WDFY4: variants seen among roughly 807,000 people sequenced by gnomAD.
WDFY4 encodes WDFY family member 4.
Under a neutral mutation model 351.9 loss-of-function variants are expected in WDFY4, and 169 were observed. The observed-to-expected ratio is 0.48, with a 90% CI of 0.42 to 0.55. WDFY4 has a LOEUF of 0.55. Among genes scored for constraint, WDFY4 ranks in the 20% least tolerant of loss-of-function variants. The pLI is 0.00. For missense variants in WDFY4, 3,803 were observed against 3,935.6 expected, an observed-to-expected ratio of 0.97 and a Z score of 0.90; for synonymous variants, 1,622 against 1,574.6, an observed-to-expected ratio of 1.03 and a Z score of -0.71.
intron 38 of WDFY4, 21 bp downstream of exon 38, chr10:48,830,906 A>G: frequency 6.5e-7 from 1 of 1,543,168 alleles, no homozygotes; most frequent in African/African-American, 1.4e-5. Context: ...ACTCGGCTCC[A>G]GGGAATGGGA....
chr10:48,830,026 G>A (rs2068135547), intron 37 of WDFY4, among the ~76,000 whole-genome samples: 1 of 152,218 alleles, frequency 6.6e-6, no homozygotes, highest in Non-Finnish European at 1.5e-5. Flanking sequence ...CCCTTAGGGT[G>A]AGAGAAACAG....
intron 1 of WDFY4, among the ~76,000 whole-genome samples, chr10:48,694,062 T>C (rs2063266926): frequency 6.6e-6 from 1 of 152,234 alleles, no homozygotes; most frequent in Admixed American, 6.5e-5. Flanking sequence ...TCTGATCAAA[T>C]TATTCTTGAA....
chr10:48,709,036 G>A lies in WDFY4; in HGVS notation c.-17-680G>A, dbSNP rs185482728. Among the ~76,000 whole-genome samples, 230 of 149,776 alleles carry A rather than the reference G, an allele frequency of 1.5e-3. 1 individual carries two copies. Among genetic ancestry groups the A allele is most frequent in the African/African-American group, 5.6e-3 (223 of 40,028 alleles). ...CCCCCCCCCAAACAGGCTTTAGTGT[G>A]AAAGTTTGCATTTCAACTTGACGTC... On this transcript the variant is annotated intron_variant, in intron 1 of 61. Coordinates refer to ENST00000325239, the MANE Select transcript of WDFY4 (RefSeq NM_001394531.1).
intron 35 of WDFY4, among the ~76,000 whole-genome samples, chr10:48,825,751 GTCTTCT>G (rs2067971995): frequency 6.6e-6 from 1 of 151,964 alleles, no homozygotes; most frequent in Admixed American, 6.5e-5. Flanking sequence ...CCACCTGAAT[GTCTTCT>G]TTGGAGAAAT....
intron 13 of WDFY4, among the ~76,000 whole-genome samples, chr10:48,773,421 G>A (rs1345222852): frequency 6.6e-6 from 1 of 152,158 alleles, no homozygotes. Flanking sequence ...TTTTGTAAAG[G>A]AACATCCCAC....
intron 47 of WDFY4, among the ~76,000 whole-genome samples, chr10:48,919,062 A>G (rs531259412): frequency 7.2e-5 from 11 of 152,316 alleles, no homozygotes; most frequent in African/African-American, 2.6e-4. Flanking sequence ...AACACAGACT[A>G]TATTTTGGGT....
chr10:48,804,893 GC>G, intron 25 of WDFY4: 1 of 549,212 alleles, frequency 1.8e-6, no homozygotes, highest in Non-Finnish European at 2.3e-6. Context: ...CTAGTGAAGG[GC>G]CCTGCACTCC....
chr10:48,821,183 G>A lies in WDFY4; in HGVS notation c.5824+7G>A. ...GATGCAGCGATGTTCAGAGGTGAGT[G>A]GGGCAACTCGGTCCCCTCCATTCAT... On this transcript the variant is annotated splice_region_variant and intron_variant, in intron 34 of 61. Transcript: ENST00000325239. 2 of 1,544,804 alleles carry A rather than the reference G, an allele frequency of 1.3e-6. No homozygotes were observed. The highest frequency in any genetic ancestry group is 8.8e-7 in the Non-Finnish European group (1 of 1,140,860).
intron 13 of WDFY4, among the ~76,000 whole-genome samples, chr10:48,767,306 G>T (rs1871605): frequency 3.2e-4 from 49 of 152,344 alleles, no homozygotes; most frequent in African/African-American, 8.9e-4. Flanking sequence ...CCTGTGTATG[G>T]GTACATCAGA....
chr10:48,755,875 A>G (rs921412866), intron 12 of WDFY4, among the ~76,000 whole-genome samples: 6 of 152,190 alleles, frequency 3.9e-5, no homozygotes, highest in African/African-American at 1.2e-4. Context: ...ATATATAGGT[A>G]GGTATTGTTT....
intron 53 of WDFY4, among the ~76,000 whole-genome samples, chr10:48,961,628 A>T (rs950047241): frequency 6.6e-6 from 1 of 152,146 alleles, no homozygotes; most frequent in Non-Finnish European, 1.5e-5. Context: ...ATTTTTGGAG[A>T]TGTGGAGCTT....
chr10:48,950,395 C>G (rs1459720610), intron 51 of WDFY4, among the ~76,000 whole-genome samples: 1 of 152,304 alleles, frequency 6.6e-6, no homozygotes, highest in East Asian at 1.9e-4. Context: ...GAGTCTGCGC[C>G]CCTGTATTTG....
chr10:48,796,711 G>T (rs2066887821), intron 24 of WDFY4, among the ~76,000 whole-genome samples: 1 of 152,190 alleles, frequency 6.6e-6, no homozygotes. Flanking sequence ...TCATCTCCTT[G>T]CAGGCTGTCA....
intron 1 of WDFY4, among the ~76,000 whole-genome samples, chr10:48,707,201 C>A (rs2063654558): frequency 6.6e-6 from 1 of 152,124 alleles, no homozygotes; most frequent in Non-Finnish European, 1.5e-5. Context: ...TAGAGAAATG[C>A]AAATTAAAAT....
intron 24 of WDFY4, among the ~76,000 whole-genome samples, chr10:48,798,874 C>T (rs1001826995): frequency 2.0e-4 from 30 of 152,206 alleles, no homozygotes; most frequent in Admixed American, 5.9e-4. Flanking sequence ...AGATGAATGT[C>T]CTGGTCCTGG....
chr10:48,780,449 C>T (rs759494504), intron 19 of WDFY4, among the ~76,000 whole-genome samples: 15 of 152,210 alleles, frequency 9.9e-5, no homozygotes, highest in Admixed American at 2.0e-4. Flanking sequence ...GGGGCAAACT[C>T]CTCAGGGAGG....
In WDFY4 at chr10:48,726,090, A is replaced by G. The variant is rs1199244454; in HGVS notation, c.781+20A>G. The G allele has an allele frequency of 2.0e-6, 3 of 1,530,258 alleles. No individual in the cohort carries two copies. The highest frequency in any genetic ancestry group is 3.9e-5 in the Admixed American group (2 of 50,694). The allele number at this position is 1,530,258 out of a possible 1,614,324, so 94.8% of individuals were successfully genotyped here. The stretch of plus-strand genomic sequence containing the variant: ...TGCAGGGTATGGCCCGGGAAATTAG[A>G]TGTGGGCTGTGGGCCATGCAAGGGC... On this transcript the variant is annotated intron_variant, in intron 6 of 61. Transcript: ENST00000325239.
In WDFY4 at chr10:48,821,068, C is replaced by T. The variant is rs760694340; in HGVS notation, c.5716C>T (p.Pro1906Ser). Residue 1906 changes from proline (P) to serine (S), a missense_variant, in exon 34 of 62, where the codon CCA (proline) becomes TCA (serine). Coordinates refer to ENST00000325239, the MANE Select transcript of WDFY4 (RefSeq NM_001394531.1). The part of the protein sequence containing the change: ...LPLEVLLEAS[P>S]DHATSQQKRD... ...TCCCGGGCTGTGCTTCCAGGCTTCT[C>T]CAGACCACGCCACCAGCCAACAGAA... 9 of 1,551,508 alleles carry T rather than the reference C, an allele frequency of 5.8e-6. No individual in the cohort carries two copies. In the African/African-American group the frequency reaches 6.8e-5, roughly 12 times the overall value.
chr10:48,909,694 A>T (rs1837832906), intron 47 of WDFY4: 1 of 153,446 alleles, frequency 6.5e-6, no homozygotes, highest in Non-Finnish European at 1.5e-5. Flanking sequence ...GATCTAATAC[A>T]GTGAGAACTC....
Sources: gnomAD v4.1 joint callset for allele counts (sites outside exome capture counted in the v4.1 genomes callset) on GRCh38, gnomAD v4.1.1 for gene constraint, MANE v1.5 for transcripts, NCBI Gene and HGNC (gene_info 2026-07-23, HGNC 2026-07-21) for gene names.